Variants in GRK3 observed in about 807,000 individuals in gnomAD.
The protein encoded by GRK3 is adrenergic, beta, receptor kinase 2.
Under a neutral mutation model 95.7 loss-of-function variants are expected in GRK3, and 54 were observed. That is an observed-to-expected ratio of 0.56 (90% CI 0.45 to 0.71). The LOEUF (loss-of-function observed/expected upper bound fraction) is 0.71. GRK3 is among the 30% of genes least tolerant of loss of function. The pLI, the probability that GRK3 is intolerant of heterozygous loss-of-function variation, is 0.00. For synonymous variants in GRK3, 281 were observed against 290.8 expected (o/e 0.97, Z 0.34); for missense variants, 649 against 851.2 (o/e 0.76, Z 2.96).
intron 1 of GRK3, among the ~76,000 whole-genome samples, chr22:25,598,889 G>A (rs2146335415): frequency 6.6e-6 from 1 of 152,152 alleles, no homozygotes; most frequent in African/African-American, 2.4e-5. Context: ...ATATGGAGGG[G>A]AGAAATCCTC....
chr22:25,706,986 T>C (rs2085304770), intron 15 of GRK3, among the ~76,000 whole-genome samples: 1 of 151,590 alleles, frequency 6.6e-6, no homozygotes, highest in Non-Finnish European at 1.5e-5. Context: ...CATGCCTGGC[T>C]AACTTTTTTT....
At chr22:25,624,287 GGCGC>G (rs1158345016) in intron 2 of GRK3, among the ~76,000 whole-genome samples, 1 of 152,068 alleles carries the variant, frequency 6.6e-6, no homozygotes, top group Non-Finnish European at 1.5e-5. Flanking sequence ...TTTCTGGCCA[GGCGC>G]GGTGGCTCAC....
chr22:25,681,328 C>T (rs2085072366), intron 9 of GRK3, among the ~76,000 whole-genome samples: 1 of 152,158 alleles, frequency 6.6e-6, no homozygotes, highest in Non-Finnish European at 1.5e-5. Flanking sequence ...GTGGCAAGAG[C>T]TATGGAAGAC....
In GRK3 at chr22:25,619,650, GTTTTTTT is replaced by G. The variant is rs536273282; in HGVS notation, c.190+15215_190+15221del. Among the ~76,000 whole-genome samples the G allele has an allele frequency of 4.9e-3, 526 of 107,902 alleles. 3 individuals are homozygous for G. The highest frequency in any genetic ancestry group is 0.016 in the African/African-American group (432 of 26,522). 70.8% of individuals were successfully genotyped at this position (107,902 alleles called of 152,430 possible). On this transcript the variant is annotated intron_variant, in intron 2 of 20. Coordinates refer to ENST00000324198, the MANE Select transcript of GRK3 (RefSeq NM_005160.4). The stretch of plus-strand genomic sequence containing the variant: ...AGGTGCACACGATCATACCTGGCTA[GTTTTTTT>G]TTTTTTTTTTTTTTTTTGTAGAGAT...
Position 25,704,111 on chromosome 22 carries a change from T to C in GRK3, c.1230T>C (p.Asn410=), listed in dbSNP as rs1432661672. ...AATCTTACTCGTCTTTTCCCCAGAA[T>C]GTGGAACTTCCAGACACCTTCTCTC... The part of the protein sequence containing the change: ...HEIDRMTLTV[N]VELPDTFSPE... Residue 410 remains asparagine, a splice_region_variant and synonymous_variant, in exon 15 of 21, where the codon AAT becomes AAC. Transcript: ENST00000324198. 8 of 1,610,428 alleles carry C rather than the reference T, an allele frequency of 5.0e-6. No individual in the cohort carries two copies. The South Asian group carries it at 6.6e-5, about 13-fold the overall frequency.
chr22:25,684,178 C>T (rs939261419), intron 9 of GRK3, among the ~76,000 whole-genome samples: 2 of 152,168 alleles, frequency 1.3e-5, no homozygotes, highest in Non-Finnish European at 2.9e-5. Flanking sequence ...ATGTGTGGGC[C>T]TATTTTGGAT....
intron 17 of GRK3, among the ~76,000 whole-genome samples, chr22:25,713,382 G>A (rs868018620): frequency 1.2e-4 from 19 of 152,300 alleles, no homozygotes; most frequent in Non-Finnish European, 2.2e-4. Context: ...AGCGACCTCA[G>A]AATCAACAGA....
At chr22:25,685,708 A>G (rs1449363897) in intron 10 of GRK3, among the ~76,000 whole-genome samples, 3 of 152,198 alleles carry the variant, frequency 2.0e-5, no homozygotes, top group Non-Finnish European at 4.4e-5. Context: ...ACTACTGTAC[A>G]TTGATCTTTT....
intron 16 of GRK3, 22 bp from the exon 17 acceptor site, chr22:25,711,046 C>T: frequency 6.6e-7 from 1 of 1,524,552 alleles, no homozygotes. Context: ...AAAACTGTAC[C>T]ATGCTTGTTT....
chr22:25,654,336 A>G (rs2084855158), intron 3 of GRK3, among the ~76,000 whole-genome samples: 1 of 152,176 alleles, frequency 6.6e-6, no homozygotes, highest in South Asian at 2.1e-4. Flanking sequence ...CCTGCCTGAT[A>G]TTAGTCATCA....
At chr22:25,618,006 C>T (rs1394239418) in intron 2 of GRK3, among the ~76,000 whole-genome samples, 1 of 152,246 alleles carries the variant, frequency 6.6e-6, no homozygotes, top group Non-Finnish European at 1.5e-5. Flanking sequence ...CTCCTGACCT[C>T]AGGTGATCCA....
chr22:25,632,793 A>G (rs932107445), intron 2 of GRK3, among the ~76,000 whole-genome samples: 1 of 152,194 alleles, frequency 6.6e-6, no homozygotes, highest in African/African-American at 2.4e-5. Context: ...TGAAAGATCA[A>G]TTGATTATGT....
At chr22:25,707,481 C>T (rs2085309055) in intron 15 of GRK3, among the ~76,000 whole-genome samples, 1 of 152,174 alleles carries the variant, frequency 6.6e-6, no homozygotes, top group African/African-American at 2.4e-5. Flanking sequence ...AGGCATGGCC[C>T]CTGCCTTCCT....
At chr22:25,689,910 G>A (rs1246937907) in intron 11 of GRK3, among the ~76,000 whole-genome samples, 1 of 152,176 alleles carries the variant, frequency 6.6e-6, no homozygotes, top group East Asian at 1.9e-4. Context: ...TAATGCTGAT[G>A]AACTGTTCCC....
intron 3 of GRK3, among the ~76,000 whole-genome samples, chr22:25,659,590 C>G (rs1447286776): frequency 3.3e-5 from 5 of 152,188 alleles, no homozygotes; most frequent in Non-Finnish European, 7.3e-5. Context: ...GCCCAGGTTA[C>G]CTGGACAACC....
At position 25,695,088 on chromosome 22, in the gene GRK3, T is replaced by C; in HGVS notation, c.1053-19T>C. 1 of 1,590,714 alleles carries C rather than the reference T, an allele frequency of 6.3e-7. No homozygotes were observed. The highest frequency in any genetic ancestry group is 8.6e-7 in the Non-Finnish European group (1 of 1,159,286). On this transcript the variant is annotated intron_variant, in intron 12 of 20. Transcript: ENST00000324198. ...AAGTGGGCATGCTCTGATAACTGTG[T>C]ATACTTTCTTCTCCCTAGTGGCACC...
Position 25,661,684 on chromosome 22 carries a change from A to G in GRK3, c.366+7A>G. 3 of 1,556,002 alleles carry G rather than the reference A, an allele frequency of 1.9e-6. No individual in the cohort carries two copies. Among genetic ancestry groups the G allele is most frequent in the Non-Finnish European group, 2.7e-6 (3 of 1,130,212 alleles). On this transcript the variant is annotated splice_region_variant and intron_variant, in intron 4 of 20. Coordinates refer to ENST00000324198, the MANE Select transcript of GRK3 (RefSeq NM_005160.4). ...ACTTCTTTCCTGTTCACATGTAAGT[A>G]TTTCTTCTTACTCTGTTACTTTAGT...
intron 1 of GRK3, among the ~76,000 whole-genome samples, chr22:25,575,495 C>G (rs896728394): frequency 6.6e-6 from 1 of 152,130 alleles, no homozygotes; most frequent in Non-Finnish European, 1.5e-5. Flanking sequence ...CTGGACTTCT[C>G]TTCTAGATCT....
chr22:25,641,743 C>T (rs1333267321), intron 2 of GRK3, among the ~76,000 whole-genome samples: 3 of 150,870 alleles, frequency 2.0e-5, no homozygotes, highest in African/African-American at 7.3e-5. Context: ...GGTAAGAAAC[C>T]CTGAGAAGGG....
Sources: allele counts gnomAD v4.1 joint callset (sites outside exome capture counted in the v4.1 genomes callset), GRCh38; gene constraint gnomAD v4.1.1; transcripts MANE v1.5; gene names NCBI Gene and HGNC (gene_info 2026-07-23, HGNC 2026-07-21).